Variants in ERG observed in about 807,000 individuals in gnomAD.
ERG encodes the protein ETS transcription factor ERG, also known as transcriptional regulator ERG.
Under a neutral mutation model 55.3 loss-of-function variants are expected in ERG, and 9 were observed. The observed-to-expected ratio is 0.16, with a 90% CI of 0.10 to 0.28. ERG has a LOEUF of 0.28. ERG is among the 10% of genes least tolerant of loss of function. ERG has a pLI of 1.00. For synonymous variants in ERG, 223 were observed against 237.3 expected, an observed-to-expected ratio of 0.94 and a Z score of 0.55; for missense variants, 434 against 631.6, an observed-to-expected ratio of 0.69 and a Z score of 3.35.
rs539961929 is a variant in ERG, at chr21:38,553,852, C to T, written c.-41+21810G>A. Among the ~76,000 whole-genome samples the T allele has an allele frequency of 6.6e-5, 10 of 150,702 alleles. No homozygotes were observed. The East Asian group carries it at 1.7e-3, about 26-fold the overall frequency. On this transcript the variant is annotated intron_variant, in intron 2 of 8. Transcript: ENST00000398897. ...AATGGGACCTAATTAAACTAAAGAG[C>T]TTCTGCACAGCAAAAGAAACTATCA...
chr21:38,598,122 G>A (rs1409262206), intron 1 of ERG, among the ~76,000 whole-genome samples: 3 of 152,132 alleles, frequency 2.0e-5, no homozygotes, highest in Non-Finnish European at 2.9e-5. Context: ...CTGTAAGCCC[G>A]ACCTTGCTCT....
chr21:38,659,449 C>T (rs911640874), intron 1 of ERG, among the ~76,000 whole-genome samples: 1 of 152,230 alleles, frequency 6.6e-6, no homozygotes, highest in African/African-American at 2.4e-5. Flanking sequence ...CCAATGCCAG[C>T]GGAGCAAGGG....
At chr21:38,599,895 C>G (rs1388766676) in intron 1 of ERG, among the ~76,000 whole-genome samples, 2 of 152,198 alleles carry the variant, frequency 1.3e-5, no homozygotes, top group Non-Finnish European at 2.9e-5. Flanking sequence ...AACAAAGAAG[C>G]CCAGTTTCTC....
chr21:38,546,816 A>G (rs1354315908), intron 2 of ERG, among the ~76,000 whole-genome samples: 1 of 152,190 alleles, frequency 6.6e-6, no homozygotes, highest in Non-Finnish European at 1.5e-5. Flanking sequence ...AGCACAGAAT[A>G]CCAAAGCTGA....
chr21:38,586,504 G>A (rs919658864), upstream of ERG, among the ~76,000 whole-genome samples: 4 of 151,954 alleles, frequency 2.6e-5, no homozygotes, highest in African/African-American at 9.7e-5. Flanking sequence ...TCAAGGAAAT[G>A]CAAATCGAAA....
At chr21:38,429,710 TGC>T (rs201370356) in intron 2 of ERG, among the ~76,000 whole-genome samples, 25,759 of 128,576 alleles carry the variant, frequency 0.2, 3,254 homozygotes, top group South Asian at 0.28. Context: ...TATATGTGTG[TGC>T]ATATATGTCT....
chr21:38,622,922 C>T (rs2060301144), intron 1 of ERG, among the ~76,000 whole-genome samples: 1 of 128,844 alleles, frequency 7.8e-6, no homozygotes, highest in East Asian at 2.4e-4. Context: ...CATGCTCAGC[C>T]ATACCACACC....
chr21:38,367,496 A>G, the ERG span: 4 of 413,024 alleles, frequency 9.7e-6, no homozygotes, highest in Non-Finnish European at 1.9e-5. Context: ...ACTTCTCTGT[A>G]GGGCTGCAAG....
chr21:38,533,954 T>C (rs1454341451), intron 2 of ERG, among the ~76,000 whole-genome samples: 1 of 152,182 alleles, frequency 6.6e-6, no homozygotes, highest in African/African-American at 2.4e-5. Context: ...TTTTTTCTTA[T>C]ACAAGGAACA....
At chr21:38,607,988 A>G (rs1397416251) in intron 1 of ERG, among the ~76,000 whole-genome samples, 1 of 152,228 alleles carries the variant, frequency 6.6e-6, no homozygotes, top group African/African-American at 2.4e-5. Context: ...TAACATTCCC[A>G]AAACAGGAGA....
chr21:38,508,424 CGAATGAAT>C (rs993850342), intron 2 of ERG, among the ~76,000 whole-genome samples: 2 of 151,896 alleles, frequency 1.3e-5, no homozygotes, highest in Admixed American at 1.3e-4. Context: ...GCTGTAAGAA[CGAATGAAT>C]GAATGAGTGG....
chr21:38,381,525 TGAAA>T lies in ERG; in HGVS notation c.*1874_*1877del. 1 of 1,063,952 alleles carries T rather than the reference TGAAA, an allele frequency of 9.4e-7. No individual in the cohort carries two copies. The allele number at this position is 1,063,952 out of a possible 1,614,324, so 65.9% of individuals were successfully genotyped here. A position where few individuals can be genotyped will look rare whatever the true frequency, so the allele number is the denominator to read the frequency against. ...AAGCTGTCTACCTAGTGAGAGCTCC[TGAAA>T]GAGAAACCCCGCAGCAAATCTAGAC... On this transcript the variant is annotated 3_prime_UTR_variant, in exon 10 of 10. Transcript: ENST00000288319.
chr21:38,418,223 A>G (rs547370692), intron 3 of ERG, among the ~76,000 whole-genome samples: 1 of 151,882 alleles, frequency 6.6e-6, no homozygotes, highest in Non-Finnish European at 1.5e-5. Context: ...TAAGCATGTT[A>G]ATAATGTAAA....
chr21:38,486,429 T>C (rs2059286238), intron 1 of ERG, among the ~76,000 whole-genome samples: 1 of 152,200 alleles, frequency 6.6e-6, no homozygotes, highest in Non-Finnish European at 1.5e-5. Flanking sequence ...GTGCTCTTTG[T>C]GATGTTTGCA....
upstream of ERG, among the ~76,000 whole-genome samples, chr21:38,500,437 A>T (rs2059412701): frequency 6.6e-6 from 1 of 152,186 alleles, no homozygotes; most frequent in African/African-American, 2.4e-5. Flanking sequence ...TGCAAATCAA[A>T]CTGTGAAGAG....
Position 38,481,359 on chromosome 21 carries a change from C to A in ERG, c.18+17004G>T, listed in dbSNP as rs541006303. On this transcript the variant is annotated intron_variant, in intron 1 of 9. Coordinates refer to ENST00000288319, the MANE Select transcript of ERG (RefSeq NM_182918.4). ...ACTTTACATGCGGACGCTGTGGAAA[C>A]AATGGTGATATGAATTCTTAAATGA... Among the ~76,000 whole-genome samples the A allele has an allele frequency of 2.1e-4, 32 of 152,256 alleles. 1 individual carries two copies. The highest frequency in any genetic ancestry group is 7.7e-4 in the African/African-American group (32 of 41,556).
intron 2 of ERG, among the ~76,000 whole-genome samples, chr21:38,505,884 C>T (rs1271778253): frequency 6.6e-6 from 1 of 151,976 alleles, no homozygotes; most frequent in Non-Finnish European, 1.5e-5. Flanking sequence ...GCTAAATGCC[C>T]CTCAAAAAGG....
intron 2 of ERG, among the ~76,000 whole-genome samples, chr21:38,529,615 C>A (rs1316144388): frequency 7.2e-5 from 11 of 152,162 alleles, no homozygotes; most frequent in Admixed American, 5.9e-4. Flanking sequence ...AACAGAGTAT[C>A]AAATTAGAAT....
chr21:38,558,330 A>G (rs2059870789), intron 2 of ERG, among the ~76,000 whole-genome samples: 1 of 152,200 alleles, frequency 6.6e-6, no homozygotes, highest in African/African-American at 2.4e-5. Context: ...GAAACTTTAA[A>G]CTGAATAGGA....
Sources: allele counts gnomAD v4.1 joint callset (sites outside exome capture counted in the v4.1 genomes callset), GRCh38; gene constraint gnomAD v4.1.1; transcripts MANE v1.5; gene names NCBI Gene and HGNC (gene_info 2026-07-23, HGNC 2026-07-21).